Variants in SOCS2 observed in about 807,000 individuals in gnomAD.
SOCS2 encodes the protein suppressor of cytokine signaling 2.
SOCS2 carries 10 observed loss-of-function variants against 18.6 expected under a neutral mutation model. That is an observed-to-expected ratio of 0.54 (90% CI 0.33 to 0.91). The LOEUF (loss-of-function observed/expected upper bound fraction) is 0.91, where lower values mean the gene tolerates loss of function less well. SOCS2 is among the 40% of genes least tolerant of loss of function. The probability of loss-of-function intolerance (pLI) is 0.02; values close to 1 mark genes in which losing one functional copy is unlikely to be tolerated. For missense variants in SOCS2, 231 were observed against 247.2 expected (o/e 0.93, Z 0.44); for synonymous variants, 104 against 104.0 (o/e 1.00, Z 0.00).
the SOCS2 span, among the ~76,000 whole-genome samples, chr12:93,605,580 A>C: frequency 6.6e-6 from 1 of 152,256 alleles, no homozygotes; most frequent in African/African-American, 2.4e-5. Context: ...CTGGTCCCTT[A>C]GAAATGCACC....
At chr12:93,584,341 G>A (rs1322737075), downstream of SOCS2, among the ~76,000 whole-genome samples, 5 of 152,196 alleles carry the variant, frequency 3.3e-5, no homozygotes, top group African/African-American at 4.8e-5. Context: ...AAAAATCTCA[G>A]CTTGAGTGAC....
At chr12:93,614,484 C>CTTCCTTCT in the SOCS2 span, among the ~76,000 whole-genome samples, 5 of 23,800 alleles carry the variant, frequency 2.1e-4, no homozygotes, top group East Asian at 5.1e-3. Context: ...CCTTCCTTTC[C>CTTCCTTCT]TTCCTTCCTT....
chr12:93,586,483 C>A (rs1954585721), downstream of SOCS2, among the ~76,000 whole-genome samples: 1 of 152,186 alleles, frequency 6.6e-6, no homozygotes, highest in Admixed American at 6.5e-5. Context: ...AAATTCCAGA[C>A]AACTGGTTTG....
chr12:93,608,530 A>C, the SOCS2 span, among the ~76,000 whole-genome samples: 27 of 152,110 alleles, frequency 1.8e-4, no homozygotes, highest in African/African-American at 4.8e-4. Context: ...TTGGGGCCTC[A>C]GTTTCCTCAT....
chr12:93,594,946 T>A, the SOCS2 span, among the ~76,000 whole-genome samples: 1 of 152,224 alleles, frequency 6.6e-6, no homozygotes, highest in Non-Finnish European at 1.5e-5. Context: ...CAATTCCTCT[T>A]GTCAGCAATA....
At chr12:93,590,707 A>G in the SOCS2 span, among the ~76,000 whole-genome samples, 2 of 146,130 alleles carry the variant, frequency 1.4e-5, no homozygotes, top group Admixed American at 1.4e-4. Flanking sequence ...GGCAGAAAGA[A>G]TCGCTTGAAC....
chr12:93,582,567 G>T (rs977266174), intron 1 of SOCS2, among the ~76,000 whole-genome samples: 1 of 152,204 alleles, frequency 6.6e-6, no homozygotes, highest in Non-Finnish European at 1.5e-5. Context: ...TTGCCCTGGA[G>T]TATGCGGCTT....
the SOCS2 span, among the ~76,000 whole-genome samples, chr12:93,592,324 C>G: frequency 6.6e-6 from 1 of 152,214 alleles, no homozygotes; most frequent in South Asian, 2.1e-4. Flanking sequence ...TTGCCTCATT[C>G]TTTTCAACAG....
the SOCS2 span, among the ~76,000 whole-genome samples, chr12:93,602,602 T>C: frequency 6.6e-6 from 1 of 152,110 alleles, no homozygotes; most frequent in Non-Finnish European, 1.5e-5. Flanking sequence ...TTGGGAGATA[T>C]TATTTCAGAG....
the SOCS2 span, among the ~76,000 whole-genome samples, chr12:93,608,958 C>A: frequency 1.3e-5 from 2 of 152,160 alleles, no homozygotes; most frequent in South Asian, 4.1e-4. Context: ...TAAGTATTTA[C>A]CTTAATAAAC....
chr12:93,589,449 G>A, the SOCS2 span, among the ~76,000 whole-genome samples: 1 of 152,088 alleles, frequency 6.6e-6, no homozygotes, highest in Non-Finnish European at 1.5e-5. Context: ...CTTCCTGATT[G>A]TTTTTATTAA....
the SOCS2 span, among the ~76,000 whole-genome samples, chr12:93,605,670 A>G: frequency 6.6e-6 from 1 of 152,238 alleles, no homozygotes; most frequent in Non-Finnish European, 1.5e-5. Context: ...TCCTGCATGC[A>G]TTTCTATGGT....
At chr12:93,601,094 A>ATC in the SOCS2 span, among the ~76,000 whole-genome samples, 112 of 129,492 alleles carry the variant, frequency 8.6e-4, 1 homozygote, top group South Asian at 0.014. Context: ...CCTGGCTGGA[A>ATC]TCTCTCTCTC....
At chr12:93,580,422 G>A (rs1954522307), downstream of SOCS2, among the ~76,000 whole-genome samples, 1 of 151,864 alleles carries the variant, frequency 6.6e-6, no homozygotes, top group African/African-American at 2.4e-5. Context: ...AGGAGTTCGA[G>A]CCAGCCTGGC....
At chr12:93,591,844 G>C in the SOCS2 span, among the ~76,000 whole-genome samples, 1 of 152,160 alleles carries the variant, frequency 6.6e-6, no homozygotes, top group Admixed American at 6.5e-5. Flanking sequence ...TATCTCATGG[G>C]TTATTTTAAT....
In SOCS2 at chr12:93,575,010, C is replaced by T. The variant is rs767873437; in HGVS notation, c.428C>T (p.Pro143Leu). ...GATAAGCGGACAGGTCCAGAAGCCCCCCGGAACGGCACTGTTCACCTTTAT... is the reference window on the plus strand; with the variant it reads ...GATAAGCGGACAGGTCCAGAAGCCCTCCGGAACGGCACTGTTCACCTTTAT... ...CKDKRTGPEA[P>L]RNGTVHLYLT... Residue 143 changes from proline to leucine, a missense_variant, in exon 2 of 2, where the codon CCC (proline) becomes CTC (leucine). Transcript: ENST00000551556. 2 of 1,614,116 alleles carry T rather than the reference C, an allele frequency of 1.2e-6. No individual in the cohort carries two copies. Among genetic ancestry groups the T allele is most frequent in the Non-Finnish European group, 1.7e-6 (2 of 1,179,990 alleles).
At chr12:93,591,108 A>G in the SOCS2 span, among the ~76,000 whole-genome samples, 1 of 152,056 alleles carries the variant, frequency 6.6e-6, no homozygotes, top group African/African-American at 2.4e-5. Flanking sequence ...GAGAGTAAAC[A>G]TTTTCGATTT....
chr12:93,618,144 ATGT>A, the SOCS2 span, among the ~76,000 whole-genome samples: 1 of 152,036 alleles, frequency 6.6e-6, no homozygotes, highest in African/African-American at 2.4e-5. Context: ...GCCATGTAAG[ATGT>A]GCCTGCTTAC....
the SOCS2 span, among the ~76,000 whole-genome samples, chr12:93,614,478 CCTTT>C: frequency 6.2e-3 from 305 of 49,428 alleles, 10 homozygotes; most frequent in Non-Finnish European, 7.0e-3. Context: ...TTCCTTCCTT[CCTTT>C]CCTTCCTTCC....
Sources: allele counts gnomAD v4.1 joint callset (sites outside exome capture counted in the v4.1 genomes callset), GRCh38; gene constraint gnomAD v4.1.1; transcripts MANE v1.5; gene names NCBI Gene and HGNC (gene_info 2026-07-23, HGNC 2026-07-21).